SPAG9: variants seen among roughly 807,000 people sequenced by gnomAD.
SPAG9 encodes sperm associated antigen 9.
SPAG9 carries 35 observed loss-of-function variants against 166.5 expected under a neutral mutation model. That is an observed-to-expected ratio of 0.21 (90% CI 0.16 to 0.28). The LOEUF (loss-of-function observed/expected upper bound fraction) is 0.28. SPAG9 is among the 10% of genes least tolerant of loss of function. The probability of loss-of-function intolerance (pLI) is 1.00; values close to 1 mark genes in which losing one functional copy is unlikely to be tolerated. For missense variants in SPAG9, 1,235 were observed against 1,603.3 expected (o/e 0.77, Z 3.92); for synonymous variants, 534 against 565.5 (o/e 0.94, Z 0.79).
intron 8 of SPAG9, among the ~76,000 whole-genome samples, chr17:51,019,435 T>C (rs2045843150): frequency 6.6e-6 from 1 of 151,992 alleles, no homozygotes; most frequent in Admixed American, 6.6e-5. Flanking sequence ...TGGGTGCCTG[T>C]AATCCCAGCT....
Position 50,990,082 on chromosome 17 carries a change from C to T in SPAG9, c.2618-210G>A, listed in dbSNP as rs1305955595. The T allele has an allele frequency of 4.5e-5, 26 of 581,082 alleles. 1 individual carries two copies. Among genetic ancestry groups the T allele is most frequent in the South Asian group, 8.1e-5 (4 of 49,324 alleles). The allele number at this position is 581,082 out of a possible 1,614,324, so 36.0% of individuals were successfully genotyped here. The stretch of plus-strand genomic sequence containing the variant: ...TTGCTCTGTTGCCCAGGCTGGAGTG[C>T]GGCGGCGTGATCTTGGCTCACTGCA... On this transcript the variant is annotated intron_variant, in intron 20 of 29. Coordinates refer to ENST00000262013, the MANE Select transcript of SPAG9 (RefSeq NM_001130528.3).
At chr17:51,009,582 C>T (rs999327345) in intron 9 of SPAG9, among the ~76,000 whole-genome samples, 1 of 152,156 alleles carries the variant, frequency 6.6e-6, no homozygotes, top group African/African-American at 2.4e-5. Context: ...CAGTCTGTCC[C>T]ACTATAATAT....
Position 51,037,665 on chromosome 17 carries a change from T to TATATATATATA in SPAG9, c.741+3835_741+3836insTATATATATAT, listed in dbSNP as rs2046646737. Among the ~76,000 whole-genome samples the TATATATATATA allele has an allele frequency of 8.2e-3, 763 of 92,736 alleles. 18 individuals carry two copies. Among genetic ancestry groups the TATATATATATA allele is most frequent in the African/African-American group, 0.027 (730 of 26,732 alleles). 60.8% of individuals were successfully genotyped at this position (92,736 alleles called of 152,430 possible). ...AATAAAATAAGTAAATATATGTGTT[T>TATATATATATA]TATATATATATATATATATAGTGTG... On this transcript the variant is annotated intron_variant, in intron 5 of 29. Coordinates refer to ENST00000262013, the MANE Select transcript of SPAG9 (RefSeq NM_001130528.3).
chr17:51,047,003 G>A, intron 4 of SPAG9: 2 of 1,253,732 alleles, frequency 1.6e-6, no homozygotes, highest in South Asian at 3.2e-5. Flanking sequence ...CCAAACAGAT[G>A]GCTAGCTAAC....
At chr17:51,054,498 G>A (rs1306811435) in intron 3 of SPAG9, among the ~76,000 whole-genome samples, 1 of 151,234 alleles carries the variant, frequency 6.6e-6, no homozygotes, top group Non-Finnish European at 1.5e-5. Context: ...GTGCAGTGGC[G>A]TGATCTCGGC....
intron 1 of SPAG9, among the ~76,000 whole-genome samples, chr17:51,116,332 C>T (rs1598210573): frequency 6.6e-6 from 1 of 152,172 alleles, no homozygotes; most frequent in Non-Finnish European, 1.5e-5. Flanking sequence ...AGATGTGAGC[C>T]ACCACACCTG....
chr17:51,070,115 T>C lies in SPAG9; in HGVS notation c.424+9469A>G, dbSNP rs188608351. ...AAAAACCTGTACTCCCCAAAAAACATAGCCACCAAATTAAGAAGTACTCAC... is the reference window on the plus strand; with the variant it reads ...AAAAACCTGTACTCCCCAAAAAACACAGCCACCAAATTAAGAAGTACTCAC... On this transcript the variant is annotated intron_variant, in intron 2 of 29. Coordinates refer to ENST00000262013, the MANE Select transcript of SPAG9 (RefSeq NM_001130528.3). 3.1e-3 allele frequency among the ~76,000 whole-genome samples: 455 copies of C among 147,850 alleles called. 2 individuals are homozygous for C. Among genetic ancestry groups the C allele is most frequent in the Non-Finnish European group, 4.9e-3 (325 of 66,928 alleles).
chr17:51,056,731 T>G (rs1445677586), intron 2 of SPAG9, among the ~76,000 whole-genome samples: 1 of 152,156 alleles, frequency 6.6e-6, no homozygotes, highest in African/African-American at 2.4e-5. Flanking sequence ...CTAAACAGTT[T>G]TTTTTTTAAC....
chr17:51,069,437 C>A (rs1014140092), intron 2 of SPAG9, among the ~76,000 whole-genome samples: 1 of 151,904 alleles, frequency 6.6e-6, no homozygotes, highest in South Asian at 2.1e-4. Flanking sequence ...TGAAAAACAG[C>A]GACAGAAAAT....
intron 6 of SPAG9, chr17:51,023,378 GC>G: frequency 8.0e-6 from 2 of 249,676 alleles, no homozygotes; most frequent in Non-Finnish European, 1.6e-5. Flanking sequence ...AGGAATTATT[GC>G]CACATCGATT....
intron 3 of SPAG9, among the ~76,000 whole-genome samples, chr17:51,049,406 T>C (rs541506920): frequency 1.3e-5 from 2 of 151,618 alleles, no homozygotes; most frequent in Middle Eastern, 6.9e-3. Flanking sequence ...TCAGGTGCAG[T>C]AGCTAATGCC....
At chr17:50,974,651 G>T in intron 28 of SPAG9, 120 bp downstream of exon 28, 1 of 808,726 alleles carries the variant, frequency 1.2e-6, no homozygotes, top group Non-Finnish European at 1.8e-6. Flanking sequence ...AACTTCCTTC[G>T]TATATATTGA....
At chr17:51,097,236 TTTTCATCTACATCC>T (rs1049729223) in intron 1 of SPAG9, among the ~76,000 whole-genome samples, 5 of 152,244 alleles carry the variant, frequency 3.3e-5, no homozygotes, top group African/African-American at 7.2e-5. Flanking sequence ...TTTACGCATC[TTTTCATCTACATCC>T]TTTGTAACAG....
intron 14 of SPAG9, chr17:50,999,431 T>C: frequency 6.9e-7 from 1 of 1,451,776 alleles, no homozygotes; most frequent in East Asian, 2.5e-5. Flanking sequence ...GTCAACATGA[T>C]GCAGCTTACG....
chr17:50,982,770 G>T, intron 24 of SPAG9, 98 bp from the exon 25 acceptor site: 1 of 1,121,296 alleles, frequency 8.9e-7, no homozygotes, highest in Admixed American at 2.5e-5. Context: ...AATTTATTGA[G>T]GAAGCACTCA....
chr17:50,974,505 T>C (rs553437167), intron 28 of SPAG9, among the ~76,000 whole-genome samples: 2 of 152,304 alleles, frequency 1.3e-5, no homozygotes, highest in Non-Finnish European at 2.9e-5. Context: ...GATGATAAAA[T>C]AATACTACTG....
intron 1 of SPAG9, among the ~76,000 whole-genome samples, chr17:51,093,764 G>A (rs1270105531): frequency 6.6e-6 from 1 of 151,800 alleles, no homozygotes; most frequent in Non-Finnish European, 1.5e-5. Context: ...TAGAAAACTG[G>A]TGTGGTGTGT....
chr17:51,040,178 C>T (rs1026515418), intron 5 of SPAG9, among the ~76,000 whole-genome samples: 2 of 150,692 alleles, frequency 1.3e-5, no homozygotes, highest in African/African-American at 4.9e-5. Flanking sequence ...ATGCAGTGAG[C>T]CAAGGTTGAA....
At position 51,119,029 on chromosome 17, in the gene SPAG9, G is replaced by A. The variant is rs2049386874; in HGVS notation, c.303+1325C>T. Among the ~76,000 whole-genome samples, 9 of 90,224 alleles carry A rather than the reference G, an allele frequency of 1.0e-4. No individual in the cohort carries two copies. In the South Asian group the frequency reaches 3.3e-3, roughly 33 times the overall value. The allele number at this position is 90,224 out of a possible 152,430, so 59.2% of individuals were successfully genotyped here. A position where few individuals can be genotyped will look rare whatever the true frequency, so the allele number is the denominator to read the frequency against. ...ACCCTGGGCGACAGAGTGAGACTAC[G>A]TCTCAAAAAAAAAAAAAAAAAAAGG... On this transcript the variant is annotated intron_variant, in intron 1 of 29. Transcript: ENST00000262013.
Sources: gnomAD v4.1 joint callset for allele counts (sites outside exome capture counted in the v4.1 genomes callset) on GRCh38, gnomAD v4.1.1 for gene constraint, MANE v1.5 for transcripts, NCBI Gene and HGNC (gene_info 2026-07-23, HGNC 2026-07-21) for gene names.